Variants in ATP6V0A1 observed in about 807,000 individuals in gnomAD.
ATP6V0A1 encodes the protein V-type proton ATPase 116 kDa subunit a 1.
Under a neutral mutation model 105.4 loss-of-function variants are expected in ATP6V0A1, and 43 were observed. The observed-to-expected ratio is 0.41, with a 90% CI of 0.32 to 0.53. ATP6V0A1 has a LOEUF of 0.53. Ranked by LOEUF, ATP6V0A1 falls within the 20% of genes least tolerant of loss-of-function variation. The pLI is 0.30. For synonymous variants in ATP6V0A1, 362 were observed against 372.8 expected (o/e 0.97, Z 0.33); for missense variants, 676 against 1,051.1 (o/e 0.64, Z 4.93).
chr17:42,481,551 AC>A (rs1332334337), intron 8 of ATP6V0A1, among the ~76,000 whole-genome samples: 3 of 151,992 alleles, frequency 2.0e-5, no homozygotes. Context: ...TACCATCAGA[AC>A]CACAGTTGTG....
chr17:42,505,193 G>A (rs935859989), intron 17 of ATP6V0A1, among the ~76,000 whole-genome samples: 9 of 149,144 alleles, frequency 6.0e-5, no homozygotes, highest in African/African-American at 1.2e-4. Flanking sequence ...GCACCACTAC[G>A]CCTGGCTAAT....
At chr17:42,498,181 AG>A (rs1468507467) in intron 14 of ATP6V0A1, among the ~76,000 whole-genome samples, 1 of 152,060 alleles carries the variant, frequency 6.6e-6, no homozygotes, top group African/African-American at 2.4e-5. Flanking sequence ...AGTTGCAGTC[AG>A]CGAGATCATG....
rs536517615 is a variant in ATP6V0A1 at position 42,494,861 on chromosome 17, C to T, written c.1315-173C>T. ...CCTAATAAAAAAATAGAGGCCACAT[C>T]CTGTGAAAGTGACTGTCTCATTAGC... On this transcript the variant is annotated intron_variant, in intron 12 of 21. Transcript: ENST00000343619. 625 of 650,446 alleles carry T rather than the reference C, an allele frequency of 9.6e-4. 1 individual carries two copies. The highest frequency in any genetic ancestry group is 1.4e-3 in the Non-Finnish European group (574 of 403,110). 40.3% of individuals were successfully genotyped at this position (650,446 alleles called of 1,614,324 possible). A position where few individuals can be genotyped will look rare whatever the true frequency, so the allele number is the denominator to read the frequency against.
At chr17:42,490,381 A>C (rs545924496) in intron 10 of ATP6V0A1, 106 bp from the exon 11 acceptor site, 1 of 1,000,452 alleles carries the variant, frequency 1.0e-6, no homozygotes, top group Admixed American at 3.2e-5. Context: ...AAATACATAC[A>C]TTTTATGTGT....
rs529414130 is a variant in ATP6V0A1 at position 42,494,640 on chromosome 17, A to G, written c.1314+167A>G. 2.3e-5 allele frequency: 19 copies of G among 816,600 alleles called. No individual in the cohort carries two copies. In the African/African-American group the frequency reaches 3.0e-4, roughly 13 times the overall value. 50.6% of individuals were successfully genotyped at this position (816,600 alleles called of 1,614,324 possible). Reference sequence around the variant, plus strand: ...ACGACATGTGCAAGCTGGAAGTGGTAGTGTGTGCCTGTAGTCCCAGCTACT... The same window carrying G: ...ACGACATGTGCAAGCTGGAAGTGGTGGTGTGTGCCTGTAGTCCCAGCTACT... On this transcript the variant is annotated intron_variant, in intron 12 of 21. Coordinates refer to ENST00000343619, the MANE Select transcript of ATP6V0A1 (RefSeq NM_001130021.3).
intron 5 of ATP6V0A1, among the ~76,000 whole-genome samples, chr17:42,476,717 A>G (rs145838522): frequency 2.6e-3 from 398 of 152,224 alleles, no homozygotes; most frequent in African/African-American, 8.6e-3. Context: ...ATCCTTCTTC[A>G]TTTCATTGTA....
chr17:42,472,786 A>G (rs2088167086), intron 5 of ATP6V0A1, among the ~76,000 whole-genome samples: 1 of 152,184 alleles, frequency 6.6e-6, no homozygotes, highest in South Asian at 2.1e-4. Context: ...GGGGAGATCA[A>G]ATATCCAGAA....
intron 11 of ATP6V0A1, among the ~76,000 whole-genome samples, chr17:42,491,602 G>A (rs1335180570): frequency 2.0e-5 from 3 of 152,152 alleles, no homozygotes; most frequent in Non-Finnish European, 4.4e-5. Flanking sequence ...TCCTGCCTCA[G>A]CCTCCCGAGT....
At chr17:42,508,713 CACTG>C (rs1881847706) in intron 19 of ATP6V0A1, 124 bp downstream of exon 19, 1 of 1,345,346 alleles carries the variant, frequency 7.4e-7, no homozygotes, top group African/African-American at 1.4e-5. Context: ...CTCTGCATCT[CACTG>C]GCCATTTCAA....
At chr17:42,509,223 C>T (rs1487203632) in intron 19 of ATP6V0A1, among the ~76,000 whole-genome samples, 3 of 152,112 alleles carry the variant, frequency 2.0e-5, no homozygotes, top group Admixed American at 6.5e-5. Context: ...CATATTATAT[C>T]AGCCACATAG....
intron 19 of ATP6V0A1, chr17:42,510,048 G>A (rs756453480): frequency 3.3e-5 from 5 of 151,972 alleles, no homozygotes; most frequent in African/African-American, 4.9e-5. Context: ...AAATGTATTT[G>A]TCCCATGCAG....
In ATP6V0A1 at chr17:42,494,978, T is replaced by C. The variant is rs1567845885; in HGVS notation, c.1315-56T>C. Reference sequence around the variant, plus strand: ...GGCAGGTATATTCTGAATAACATTGTCACAATGTGAGCTGCAGTGAGTACA... The same window carrying C: ...GGCAGGTATATTCTGAATAACATTGCCACAATGTGAGCTGCAGTGAGTACA... On this transcript the variant is annotated intron_variant, in intron 12 of 21. Transcript: ENST00000343619. 3 of 1,550,728 alleles carry C rather than the reference T, an allele frequency of 1.9e-6. No individual in the cohort carries two copies. In the South Asian group the frequency reaches 3.4e-5, roughly 17 times the overall value.
chr17:42,507,395 G>A, intron 17 of ATP6V0A1, 125 bp from the exon 18 acceptor site: 1 of 698,582 alleles, frequency 1.4e-6, no homozygotes, highest in Non-Finnish European at 2.5e-6. Flanking sequence ...CAGTCAGTGG[G>A]TTTTGTTTTT....
chr17:42,465,425 G>A (rs1193762896), intron 2 of ATP6V0A1, among the ~76,000 whole-genome samples: 1 of 151,260 alleles, frequency 6.6e-6, no homozygotes, highest in Non-Finnish European at 1.5e-5. Flanking sequence ...CGAGTAGCTG[G>A]GATTACAGAT....
chr17:42,461,603 A>G (rs2086410660), intron 2 of ATP6V0A1, among the ~76,000 whole-genome samples: 1 of 151,702 alleles, frequency 6.6e-6, no homozygotes, highest in African/African-American at 2.4e-5. Flanking sequence ...TGAAACCCCG[A>G]CTCTACTAAA....
chr17:42,494,928 G>A (rs933325371), intron 12 of ATP6V0A1, 106 bp from the exon 13 acceptor site: 1 of 1,211,334 alleles, frequency 8.3e-7, no homozygotes, highest in Non-Finnish European at 1.2e-6. Context: ...GAATCAGGAT[G>A]GGGTAAAGTA....
chr17:42,465,793 G>A (rs1376698842), intron 2 of ATP6V0A1, among the ~76,000 whole-genome samples: 1 of 151,530 alleles, frequency 6.6e-6, no homozygotes, highest in East Asian at 2.0e-4. Flanking sequence ...GTGAAACCCT[G>A]TCTCTACTAA....
intron 21 of ATP6V0A1, chr17:42,518,561 G>C (rs1396242862): frequency 6.6e-6 from 1 of 152,380 alleles, no homozygotes; most frequent in Non-Finnish European, 1.5e-5. Flanking sequence ...CACCAGGGAA[G>C]GGAAGCGGCC....
Position 42,480,873 on chromosome 17 carries a change from G to A in ATP6V0A1, c.716+124G>A, listed in dbSNP as rs530187311. 3.8e-6 allele frequency: 3 copies of A among 785,698 alleles called. No individual in the cohort carries two copies. The African/African-American group carries it at 5.4e-5, about 14-fold the overall frequency. 48.7% of individuals were successfully genotyped at this position (785,698 alleles called of 1,614,324 possible). A position where few individuals can be genotyped will look rare whatever the true frequency, so the allele number is the denominator to read the frequency against. On this transcript the variant is annotated intron_variant, in intron 8 of 21. Transcript: ENST00000343619. The stretch of plus-strand genomic sequence containing the variant: ...CCTCAACACAGTTAATTTTAATAAT[G>A]TTAGGGGCTATTTTAATCAATTAGA...
Sources: gnomAD v4.1 joint callset for allele counts (sites outside exome capture counted in the v4.1 genomes callset) on GRCh38, gnomAD v4.1.1 for gene constraint, MANE v1.5 for transcripts, NCBI Gene and HGNC (gene_info 2026-07-23, HGNC 2026-07-21) for gene names.